Variants in COL10A1 observed in about 807,000 individuals in gnomAD.
COL10A1 encodes collagen alpha-1(X) chain.
A neutral mutation model predicts 18.2 loss-of-function variants in COL10A1; 10 were observed. The observed-to-expected ratio is 0.55, with a 90% CI of 0.34 to 0.93. The LOEUF (loss-of-function observed/expected upper bound fraction) is 0.93, where lower values mean the gene tolerates loss of function less well. Ranked by LOEUF, COL10A1 falls within the 40% of genes least tolerant of loss-of-function variation. The probability of loss-of-function intolerance (pLI) is 0.02; values close to 1 mark genes in which losing one functional copy is unlikely to be tolerated. For missense variants in COL10A1, 897 were observed against 853.5 expected (o/e 1.05, Z -0.64); for synonymous variants, 330 against 316.6 (o/e 1.04, Z -0.45).
At chr6:116,157,897 T>C (rs1362179855) in intron 1 of COL10A1, among the ~76,000 whole-genome samples, 1 of 152,198 alleles carries the variant, frequency 6.6e-6, no homozygotes, top group Non-Finnish European at 1.5e-5. Flanking sequence ...AATAATATCA[T>C]TGAAGTACAG....
At chr6:116,196,866 G>A in the COL10A1 span, among the ~76,000 whole-genome samples, 1 of 151,646 alleles carries the variant, frequency 6.6e-6, no homozygotes, top group Admixed American at 6.6e-5. Flanking sequence ...TCATTAGACA[G>A]GGAAAGCAGA....
chr6:116,211,610 T>C, the COL10A1 span, among the ~76,000 whole-genome samples: 1 of 152,048 alleles, frequency 6.6e-6, no homozygotes, highest in African/African-American at 2.4e-5. Flanking sequence ...AGTATAAATG[T>C]ATTGGACTTA....
At chr6:116,163,141 A>AAAATATATATAT (rs761718922), upstream of COL10A1, among the ~76,000 whole-genome samples, 54 of 88,356 alleles carry the variant, frequency 6.1e-4, no homozygotes, top group African/African-American at 3.1e-3. Flanking sequence ...AAAAAAAAAA[A>AAAATATATATAT]ATATATATAT....
intron 1 of COL10A1, among the ~76,000 whole-genome samples, chr6:116,146,446 C>A (rs1210193251): frequency 6.6e-6 from 1 of 152,118 alleles, no homozygotes; most frequent in Non-Finnish European, 1.5e-5. Flanking sequence ...ACTGGAGTTG[C>A]TTTACTCAAA....
upstream of COL10A1, among the ~76,000 whole-genome samples, chr6:116,161,152 G>A (rs374864610): frequency 5.6e-3 from 801 of 143,456 alleles, 16 homozygotes; most frequent in South Asian, 0.043. Flanking sequence ...GAGAACACAT[G>A]GACACAGGAA....
chr6:116,170,559 G>T, the COL10A1 span, among the ~76,000 whole-genome samples: 1 of 152,224 alleles, frequency 6.6e-6, no homozygotes, highest in Admixed American at 6.5e-5. Flanking sequence ...TAAGTAATCA[G>T]TGCACCTTAG....
chr6:116,143,153 A>T (rs1213907975), intron 1 of COL10A1, among the ~76,000 whole-genome samples: 1 of 152,164 alleles, frequency 6.6e-6, no homozygotes, highest in Non-Finnish European at 1.5e-5. Flanking sequence ...ACACTAAAGG[A>T]ATTTTTAGAA....
upstream of COL10A1, among the ~76,000 whole-genome samples, chr6:116,126,861 A>G (rs548924770): frequency 4.6e-5 from 7 of 152,176 alleles, no homozygotes; most frequent in Non-Finnish European, 1.0e-4. Context: ...TAAAAAAAAT[A>G]TTATTGGCTT....
At chr6:116,122,658 A>T (rs1283962113) in intron 2 of COL10A1, among the ~76,000 whole-genome samples, 1 of 152,260 alleles carries the variant, frequency 6.6e-6, no homozygotes, top group African/African-American at 2.4e-5. Flanking sequence ...ACTAAAAATC[A>T]TAGTGCCTGT....
chr6:116,181,697 A>G, the COL10A1 span, among the ~76,000 whole-genome samples: 1 of 152,118 alleles, frequency 6.6e-6, no homozygotes, highest in Non-Finnish European at 1.5e-5. Context: ...AAATTAACAA[A>G]ACCTATTGCA....
chr6:116,200,151 A>C, the COL10A1 span, among the ~76,000 whole-genome samples: 1 of 152,022 alleles, frequency 6.6e-6, no homozygotes, highest in Non-Finnish European at 1.5e-5. Context: ...CCACCCAATA[A>C]CACATAACCC....
the COL10A1 span, among the ~76,000 whole-genome samples, chr6:116,189,462 C>T: frequency 6.6e-6 from 1 of 151,912 alleles, no homozygotes; most frequent in African/African-American, 2.4e-5. Flanking sequence ...ACCTCCCTCT[C>T]ATTTCTAACT....
At chr6:116,195,551 A>G in the COL10A1 span, among the ~76,000 whole-genome samples, 5 of 152,150 alleles carry the variant, frequency 3.3e-5, no homozygotes, top group South Asian at 2.1e-4. Flanking sequence ...TCTGCTTTAT[A>G]TATGATTGTA....
chr6:116,140,168 G>T (rs755299152), intron 1 of COL10A1, among the ~76,000 whole-genome samples: 31 of 152,118 alleles, frequency 2.0e-4, no homozygotes, highest in Non-Finnish European at 4.3e-4. Flanking sequence ...TTTTCCACCA[G>T]TGCATGCTCT....
intron 1 of COL10A1, among the ~76,000 whole-genome samples, chr6:116,144,499 CAAA>C (rs542743486): frequency 8.0e-6 from 1 of 125,002 alleles, no homozygotes; most frequent in African/African-American, 2.9e-5. Context: ...GACTCCGTCT[CAAA>C]AAAAAAAAAA....
chr6:116,196,010 G>A, the COL10A1 span, among the ~76,000 whole-genome samples: 8 of 152,138 alleles, frequency 5.3e-5, no homozygotes, highest in South Asian at 1.7e-3. Flanking sequence ...ACTTGTTTGA[G>A]TACCTATTGT....
intron 1 of COL10A1, among the ~76,000 whole-genome samples, chr6:116,150,052 G>A (rs757521252): frequency 2.6e-5 from 4 of 152,262 alleles, no homozygotes; most frequent in Middle Eastern, 3.4e-3. Context: ...GGCCATAAGT[G>A]TTGAAGTTTA....
chr6:116,151,517 C>A (rs1368803482), intron 1 of COL10A1, among the ~76,000 whole-genome samples: 1 of 152,030 alleles, frequency 6.6e-6, no homozygotes, highest in Non-Finnish European at 1.5e-5. Context: ...CATGCTGCTC[C>A]TTGTTTAAAT....
At chr6:116,176,381 A>G in the COL10A1 span, among the ~76,000 whole-genome samples, 4 of 152,150 alleles carry the variant, frequency 2.6e-5, no homozygotes, top group Non-Finnish European at 5.9e-5. Context: ...GAGGCAGGGT[A>G]TAGTTCTCTG....
Sources: allele counts gnomAD v4.1 joint callset (sites outside exome capture counted in the v4.1 genomes callset), GRCh38; gene constraint gnomAD v4.1.1; transcripts MANE v1.5; gene names NCBI Gene and HGNC (gene_info 2026-07-23, HGNC 2026-07-21).